PPM1L: variants seen among roughly 807,000 people sequenced by gnomAD.
PPM1L encodes the protein protein phosphatase 1L.
A neutral mutation model predicts 31.4 loss-of-function variants in PPM1L; 13 were observed. The ratio of observed to expected loss-of-function variants is 0.41; its 90% CI spans 0.27 to 0.66. PPM1L has a LOEUF of 0.66. PPM1L is among the 30% of genes least tolerant of loss of function. The pLI is 0.29. For synonymous variants in PPM1L, 184 were observed against 175.4 expected (o/e 1.05, Z -0.39); for missense variants, 326 against 453.7 (o/e 0.72, Z 2.56).
At chr3:160,918,969 G>A (rs866879714) in intron 1 of PPM1L, among the ~76,000 whole-genome samples, 7 of 152,054 alleles carry the variant, frequency 4.6e-5, no homozygotes, top group Non-Finnish European at 7.4e-5. Context: ...GAAGGAGACC[G>A]GGTTTAAAGT....
At chr3:161,010,337 CT>C (rs1717851220) in intron 2 of PPM1L, among the ~76,000 whole-genome samples, 2 of 151,858 alleles carry the variant, frequency 1.3e-5, no homozygotes, top group Admixed American at 1.3e-4. Context: ...TGAACTCATC[CT>C]TTTTATGGCT....
intron 1 of PPM1L, among the ~76,000 whole-genome samples, chr3:160,814,749 A>G (rs1327411128): frequency 2.0e-5 from 3 of 150,990 alleles, no homozygotes; most frequent in Admixed American, 6.6e-5. Context: ...ATATGTGTAT[A>G]TATATATGTA....
chr3:160,797,553 A>C (rs542064458), intron 1 of PPM1L, among the ~76,000 whole-genome samples: 1 of 152,366 alleles, frequency 6.6e-6, no homozygotes, highest in Non-Finnish European at 1.5e-5. Flanking sequence ...AAGCTGAGAC[A>C]GGTCAGAAGC....
rs139884731 is a variant in PPM1L, at chr3:160,931,235, T to C, written c.400-30501T>C. ...ATGTCCACATACTCAGTGTAGGTTT[T>C]TGTGGTTATGGTATTTTGCCTGTGT... On this transcript the variant is annotated intron_variant, in intron 1 of 3. Coordinates refer to ENST00000498165, the MANE Select transcript of PPM1L (RefSeq NM_139245.4). Among the ~76,000 whole-genome samples, 341 of 152,284 alleles carry C rather than the reference T, an allele frequency of 2.2e-3. 2 individuals carry two copies. The highest frequency in any genetic ancestry group is 2.1e-3 in the East Asian group (11 of 5,176).
chr3:161,014,619 C>A (rs1718020329), intron 2 of PPM1L, among the ~76,000 whole-genome samples: 1 of 152,012 alleles, frequency 6.6e-6, no homozygotes, highest in African/African-American at 2.4e-5. Flanking sequence ...GGATTACAGG[C>A]ACACGCCACC....
rs1719837687 is a variant in PPM1L, at chr3:161,069,217, A to G, written c.*60A>G. 1 of 1,255,502 alleles carries G rather than the reference A, an allele frequency of 8.0e-7. No individual in the cohort carries two copies. The highest frequency in any genetic ancestry group is 1.5e-5 in the African/African-American group (1 of 66,472). 77.8% of individuals were successfully genotyped at this position (1,255,502 alleles called of 1,614,324 possible). On this transcript the variant is annotated 3_prime_UTR_variant, in exon 4 of 4. Coordinates refer to ENST00000498165, the MANE Select transcript of PPM1L (RefSeq NM_139245.4). ...GACTTTCAACACACTGGTCTCTTTTAATTTAGTGAAAAGTGTGGGAGTTGT... is the reference window on the plus strand; with the variant it reads ...GACTTTCAACACACTGGTCTCTTTTGATTTAGTGAAAAGTGTGGGAGTTGT...
intron 2 of PPM1L, among the ~76,000 whole-genome samples, chr3:160,993,487 A>G (rs1009920849): frequency 4.6e-5 from 7 of 152,202 alleles, no homozygotes; most frequent in African/African-American, 1.4e-4. Context: ...GTGGTAAAAA[A>G]TAGCTTCTTG....
At chr3:160,839,332 T>A (rs746311630) in intron 1 of PPM1L, among the ~76,000 whole-genome samples, 38 of 152,126 alleles carry the variant, frequency 2.5e-4, no homozygotes, top group Non-Finnish European at 5.3e-4. Context: ...TTCCCACACC[T>A]TAGATAAGAT....
chr3:160,869,226 C>A (rs185180469), intron 1 of PPM1L, among the ~76,000 whole-genome samples: 1 of 152,246 alleles, frequency 6.6e-6, no homozygotes, highest in East Asian at 1.9e-4. Flanking sequence ...TTTCCTTTTC[C>A]CCTTTTCTCC....
Position 161,045,825 on chromosome 3 carries a change from A to G in PPM1L, c.575-19578A>G, listed in dbSNP as rs572135299. 1.2e-4 allele frequency among the ~76,000 whole-genome samples: 18 copies of G among 152,192 alleles called. 1 individual carries two copies. In the South Asian group the frequency reaches 1.2e-3, roughly 11 times the overall value. On this transcript the variant is annotated intron_variant, in intron 2 of 3. Coordinates refer to ENST00000498165, the MANE Select transcript of PPM1L (RefSeq NM_139245.4). ...ACACAAAAAACCCTTCAAAAAATCA[A>G]TGAGGGCCAGGCGTGGTGGCTCATG... is the stretch of plus-strand genomic sequence containing the variant.
At position 160,756,878 on chromosome 3, in the gene PPM1L, T is replaced by TG. The variant is rs1714824061; in HGVS notation, c.399+172dup. Among the ~76,000 whole-genome samples, 1 of 151,336 alleles carries TG rather than the reference T, an allele frequency of 6.6e-6. No individual in the cohort carries two copies. The highest frequency in any genetic ancestry group is 2.4e-5 in the African/African-American group (1 of 41,194). On this transcript the variant is annotated intron_variant, in intron 1 of 3. Transcript: ENST00000498165. The surrounding 1 kb of genome is among the most constrained non-coding windows in gnomAD (Gnocchi z 6.2). Reference sequence around the variant, plus strand: ...ACACCACGGTGCCTGGCTGGACAAATGCGGCTCAAGTTGCCAAAAGCACTG... The same window carrying TG: ...ACACCACGGTGCCTGGCTGGACAAATGGCGGCTCAAGTTGCCAAAAGCACTG...
rs373447434 is a variant in PPM1L, at chr3:160,915,163, C to T, written c.400-46573C>T. ...TGATTGTATATCTAGAAAACCCCATCGTCTCAGCCCAAAATCTCCTTAAGC... is the reference window on the plus strand; with the variant it reads ...TGATTGTATATCTAGAAAACCCCATTGTCTCAGCCCAAAATCTCCTTAAGC... On this transcript the variant is annotated intron_variant, in intron 1 of 3. Coordinates refer to ENST00000498165, the MANE Select transcript of PPM1L (RefSeq NM_139245.4). Among the ~76,000 whole-genome samples the T allele has an allele frequency of 5.9e-5, 9 of 152,098 alleles. No individual in the cohort carries two copies. The East Asian group carries it at 7.7e-4, about 13-fold the overall frequency.
intron 2 of PPM1L, chr3:161,022,342 A>G: frequency 2.5e-6 from 1 of 397,458 alleles, no homozygotes; most frequent in Non-Finnish European, 4.4e-6. Context: ...GTCATCAATA[A>G]TTTCATAATT....
intron 1 of PPM1L, among the ~76,000 whole-genome samples, chr3:160,885,652 A>G (rs1560138612): frequency 6.6e-6 from 1 of 152,222 alleles, no homozygotes; most frequent in Non-Finnish European, 1.5e-5. Flanking sequence ...CAGCCAAGGG[A>G]GGCAGTGAGT....
chr3:160,786,588 T>G (rs997206998), intron 1 of PPM1L, among the ~76,000 whole-genome samples: 1 of 151,896 alleles, frequency 6.6e-6, no homozygotes, highest in African/African-American at 2.4e-5. Flanking sequence ...GGGTTTTTTT[T>G]TTTTTCCTTC....
At chr3:160,925,985 G>T (rs1341321435) in intron 1 of PPM1L, among the ~76,000 whole-genome samples, 2 of 152,152 alleles carry the variant, frequency 1.3e-5, no homozygotes, top group Non-Finnish European at 2.9e-5. Flanking sequence ...CAGAATTCTA[G>T]CACCAAGGAA....
intron 2 of PPM1L, among the ~76,000 whole-genome samples, chr3:160,964,948 G>A (rs1716088920): frequency 6.6e-6 from 1 of 152,078 alleles, no homozygotes; most frequent in South Asian, 2.1e-4. Context: ...AAAAGAATTA[G>A]GATAGAAAAT....
In PPM1L at chr3:161,075,236, C is replaced by T. The variant is rs1720062315; in HGVS notation, c.*6079C>T. 1 of 152,162 alleles carries T rather than the reference C, an allele frequency of 6.6e-6. No homozygotes were observed. The highest frequency in any genetic ancestry group is 2.4e-5 in the African/African-American group (1 of 41,426). 9.4% of individuals were successfully genotyped at this position (152,162 alleles called of 1,614,324 possible). ...GATAATTCACGATGTAAAACGTGTT[C>T]ATGCAGAAGCAAAGGCGGATGTAAT... On this transcript the variant is annotated 3_prime_UTR_variant, in exon 4 of 4. Coordinates refer to ENST00000498165, the MANE Select transcript of PPM1L (RefSeq NM_139245.4).
chr3:160,944,726 ATAACATGTTATATAT>A (rs1171501985), intron 1 of PPM1L, among the ~76,000 whole-genome samples: 1 of 106,594 alleles, frequency 9.4e-6, no homozygotes, highest in African/African-American at 2.9e-5. Flanking sequence ...TATGTTATAT[ATAACATGTTATATAT>A]TATATAATAT....
Sources: allele counts gnomAD v4.1 joint callset (sites outside exome capture counted in the v4.1 genomes callset), GRCh38; gene constraint gnomAD v4.1.1; non-coding constraint Gnocchi (gnomAD v3.1); transcripts MANE v1.5; gene names NCBI Gene and HGNC (gene_info 2026-07-23, HGNC 2026-07-21).